POU6F2: variants seen among roughly 807,000 people sequenced by gnomAD.
The protein encoded by POU6F2 is POU domain, class 6, transcription factor 2.
In POU6F2, 31 loss-of-function variants were observed where a neutral mutation model predicts 71.3. That is an observed-to-expected ratio of 0.43 (90% CI 0.33 to 0.59). The LOEUF (loss-of-function observed/expected upper bound fraction) is 0.59. POU6F2 is among the 20% of genes least tolerant of loss of function. The pLI is 0.04. For missense variants in POU6F2, 783 were observed against 856.8 expected, an observed-to-expected ratio of 0.91 and a Z score of 1.07; for synonymous variants, 347 against 355.7, an observed-to-expected ratio of 0.98 and a Z score of 0.27.
At chr7:39,105,741 C>A (rs77649804) in intron 2 of POU6F2, among the ~76,000 whole-genome samples, 1 of 152,188 alleles carries the variant, frequency 6.6e-6, no homozygotes, top group African/African-American at 2.4e-5. Context: ...AGTGGCCAGA[C>A]GAAGAAGTTT....
At chr7:39,318,002 G>A (rs1458422640) in intron 4 of POU6F2, among the ~76,000 whole-genome samples, 1 of 152,096 alleles carries the variant, frequency 6.6e-6, no homozygotes, top group African/African-American at 2.4e-5. Flanking sequence ...CAGCCTGACT[G>A]TCTCACTAGT....
chr7:39,245,150 A>G (rs1224573610), intron 4 of POU6F2, among the ~76,000 whole-genome samples: 1 of 152,216 alleles, frequency 6.6e-6, no homozygotes, highest in Non-Finnish European at 1.5e-5. Flanking sequence ...TTGGGTCTAT[A>G]AATCACAGAA....
chr7:39,241,287 G>A (rs779363581), intron 4 of POU6F2, among the ~76,000 whole-genome samples: 2 of 152,126 alleles, frequency 1.3e-5, no homozygotes, highest in Non-Finnish European at 2.9e-5. Flanking sequence ...GAGAGTGATT[G>A]CTCCAGAATT....
At chr7:38,989,426 A>G (rs1469826600) in intron 1 of POU6F2, among the ~76,000 whole-genome samples, 1 of 152,034 alleles carries the variant, frequency 6.6e-6, no homozygotes, top group Non-Finnish European at 1.5e-5. Context: ...GCAGCCATAA[A>G]ACAAATAAGA....
chr7:39,101,839 A>G (rs1259658399), intron 2 of POU6F2, among the ~76,000 whole-genome samples: 3 of 152,200 alleles, frequency 2.0e-5, no homozygotes, highest in Non-Finnish European at 4.4e-5. Flanking sequence ...CCATAAATAT[A>G]TATGGTTATT....
chr7:39,264,638 C>T (rs1363570411), intron 4 of POU6F2, among the ~76,000 whole-genome samples: 2 of 152,170 alleles, frequency 1.3e-5, no homozygotes, highest in East Asian at 3.9e-4. Flanking sequence ...AGCCTATACT[C>T]CTGGTGCCTA....
chr7:39,170,360 A>C (rs1186812310), intron 2 of POU6F2, among the ~76,000 whole-genome samples: 2 of 152,182 alleles, frequency 1.3e-5, no homozygotes, highest in Non-Finnish European at 2.9e-5. Flanking sequence ...ATCCTTTGCA[A>C]ACTACATGCT....
intron 4 of POU6F2, among the ~76,000 whole-genome samples, chr7:39,317,657 T>G (rs1785297234): frequency 6.6e-6 from 1 of 152,202 alleles, no homozygotes; most frequent in Admixed American, 6.5e-5. Context: ...ACAGGGATTT[T>G]AACTATTAGG....
intron 1 of POU6F2, among the ~76,000 whole-genome samples, chr7:39,027,161 C>G (rs904080540): frequency 6.6e-6 from 1 of 152,040 alleles, no homozygotes; most frequent in Admixed American, 6.6e-5. Flanking sequence ...TAGTGTACTC[C>G]CAGGGTGTTT....
At chr7:39,067,207 T>C (rs1472664796) in intron 1 of POU6F2, among the ~76,000 whole-genome samples, 2 of 149,516 alleles carry the variant, frequency 1.3e-5, no homozygotes, top group Non-Finnish European at 3.0e-5. Flanking sequence ...TGCCAATGGA[T>C]TATTCAACTA....
chr7:39,256,865 A>G (rs1286439122), intron 4 of POU6F2, among the ~76,000 whole-genome samples: 2 of 152,224 alleles, frequency 1.3e-5, no homozygotes, highest in African/African-American at 4.8e-5. Context: ...TCCAGGAAGA[A>G]ACATAGCCCA....
At chr7:39,416,517 G>A (rs772509999) in intron 6 of POU6F2, among the ~76,000 whole-genome samples, 55 of 152,200 alleles carry the variant, frequency 3.6e-4, no homozygotes, top group Non-Finnish European at 5.7e-4. Flanking sequence ...GCACAGTGAT[G>A]TTAGAATTGG....
chr7:39,118,435 A>T (rs1791976561), intron 2 of POU6F2, among the ~76,000 whole-genome samples: 1 of 152,180 alleles, frequency 6.6e-6, no homozygotes, highest in South Asian at 2.1e-4. Flanking sequence ...CCCCTCAACA[A>T]CATAAGATAC....
At chr7:39,002,499 C>T (rs553354728) in intron 1 of POU6F2, among the ~76,000 whole-genome samples, 156 of 152,260 alleles carry the variant, frequency 1.0e-3, no homozygotes, top group Admixed American at 2.0e-3. Context: ...AGGCACGTGC[C>T]GCTATGCCTG....
At chr7:39,076,293 CACTT>C (rs897606276) in intron 1 of POU6F2, among the ~76,000 whole-genome samples, 2 of 151,636 alleles carry the variant, frequency 1.3e-5, no homozygotes, top group African/African-American at 4.9e-5. Context: ...CAGTCAAACA[CACTT>C]ACTGAGAGCC....
intron 4 of POU6F2, among the ~76,000 whole-genome samples, chr7:39,209,785 T>C (rs149482066): frequency 1.3e-3 from 197 of 152,296 alleles, no homozygotes; most frequent in African/African-American, 4.6e-3. Context: ...CTAGGCAGAA[T>C]CAATGGCTTG....
chr7:39,311,075 C>G (rs1785154171), intron 4 of POU6F2, among the ~76,000 whole-genome samples: 1 of 152,090 alleles, frequency 6.6e-6, no homozygotes, highest in Non-Finnish European at 1.5e-5. Flanking sequence ...AGCAATATTT[C>G]CGGAGAGCAG....
chr7:39,094,395 A>G lies in POU6F2; in HGVS notation c.277+8364A>G, dbSNP rs536935148. On this transcript the variant is annotated intron_variant, in intron 2 of 9. Transcript: ENST00000518318. ...ATTTCTGGGATAGACATATATCACA[A>G]TATAAATATTTATCCTTTTCTTTTT... Among the ~76,000 whole-genome samples the G allele has an allele frequency of 3.1e-4, 47 of 152,290 alleles. No homozygotes were observed. The East Asian group carries it at 7.5e-3, about 24-fold the overall frequency.
chr7:39,451,850 T>A, intron 8 of POU6F2, 149 bp downstream of exon 8: 1 of 1,090,032 alleles, frequency 9.2e-7, no homozygotes, highest in South Asian at 1.6e-5. Flanking sequence ...TAGGTCAATA[T>A]TGAGATGAAG....
Sources: allele counts gnomAD v4.1 joint callset (sites outside exome capture counted in the v4.1 genomes callset), GRCh38; gene constraint gnomAD v4.1.1; transcripts MANE v1.5; gene names NCBI Gene and HGNC (gene_info 2026-07-23, HGNC 2026-07-21).